Variants in FTO observed in about 807,000 individuals in gnomAD.
The protein encoded by FTO is FTO alpha-ketoglutarate dependent dioxygenase.
Under a neutral mutation model 63.9 loss-of-function variants are expected in FTO, and 47 were observed. The observed-to-expected ratio is 0.74, with a 90% CI of 0.58 to 0.94. FTO has a LOEUF of 0.94. FTO is among the 40% of genes least tolerant of loss of function. FTO has a pLI of 0.00. For missense variants in FTO, 562 were observed against 618.1 expected, an observed-to-expected ratio of 0.91 and a Z score of 0.96; for synonymous variants, 207 against 224.4, an observed-to-expected ratio of 0.92 and a Z score of 0.69.
intron 8 of FTO, chr16:53,993,578 A>G (rs1187018613): frequency 6.6e-6 from 1 of 152,218 alleles, no homozygotes; most frequent in African/African-American, 2.4e-5. Context: ...TTTAAGCTCA[A>G]CTATGTGTAT....
chr16:53,855,632 A>G (rs1055531764), intron 4 of FTO, among the ~76,000 whole-genome samples: 2 of 152,192 alleles, frequency 1.3e-5, no homozygotes, highest in African/African-American at 4.8e-5. Context: ...TGCCTGGGAA[A>G]GGTTTTGAAA....
intron 1 of FTO, among the ~76,000 whole-genome samples, chr16:53,741,050 A>G (rs1328413885): frequency 2.0e-5 from 3 of 152,232 alleles, no homozygotes; most frequent in African/African-American, 7.2e-5. Flanking sequence ...ACATTAAAGT[A>G]ACAGTAACAT....
chr16:53,704,455 A>G (rs534374506), intron 1 of FTO, among the ~76,000 whole-genome samples: 1 of 152,320 alleles, frequency 6.6e-6, no homozygotes, highest in South Asian at 2.1e-4. Flanking sequence ...GAAGCAAGAT[A>G]CCCATTTCCT....
chr16:53,887,834 G>A (rs1263192902), intron 6 of FTO: 1 of 152,048 alleles, frequency 6.6e-6, no homozygotes, highest in Non-Finnish European at 1.5e-5. Context: ...CAATTTGAAT[G>A]GCTTTGTCGG....
intron 8 of FTO, among the ~76,000 whole-genome samples, chr16:53,988,847 T>C (rs2083733733): frequency 6.6e-6 from 1 of 152,196 alleles, no homozygotes; most frequent in South Asian, 2.1e-4. Context: ...AGGGGTTTTG[T>C]TGTTTTTTCT....
chr16:53,905,543 C>T (rs1389413366), intron 7 of FTO, among the ~76,000 whole-genome samples: 1 of 152,140 alleles, frequency 6.6e-6, no homozygotes, highest in African/African-American at 2.4e-5. Context: ...TCCTGTTGCT[C>T]CTTAGACTCT....
At chr16:53,987,560 G>A (rs1281521666) in intron 8 of FTO, among the ~76,000 whole-genome samples, 2 of 148,160 alleles carry the variant, frequency 1.3e-5, no homozygotes, top group African/African-American at 5.0e-5. Flanking sequence ...TCAAGCCTGG[G>A]CCACAGAGAA....
intron 6 of FTO, among the ~76,000 whole-genome samples, chr16:53,883,631 AAAAAC>A (rs1169698329): frequency 2.0e-5 from 3 of 148,008 alleles, no homozygotes; most frequent in East Asian, 2.0e-4. Context: ...TCAAAAAAAA[AAAAAC>A]AAAAAAAAAA....
intron 1 of FTO, among the ~76,000 whole-genome samples, chr16:53,760,621 C>CTTTTTTT: frequency 8.9e-6 from 1 of 112,038 alleles, no homozygotes; most frequent in Non-Finnish European, 1.8e-5. Flanking sequence ...TGCTTGCTTT[C>CTTTTTTT]TTTTTTTTTT....
chr16:53,831,765 C>CT (rs546304902), intron 3 of FTO, among the ~76,000 whole-genome samples: 25 of 152,192 alleles, frequency 1.6e-4, no homozygotes, highest in African/African-American at 6.0e-4. Flanking sequence ...GAATGAGCCA[C>CT]TGAGAAATTT....
intron 1 of FTO, among the ~76,000 whole-genome samples, chr16:53,806,127 C>T (rs2078360573): frequency 1.3e-5 from 2 of 152,178 alleles, no homozygotes; most frequent in Non-Finnish European, 2.9e-5. Flanking sequence ...AGAAAATTGT[C>T]AGAGCTGTTT....
At chr16:53,729,207 C>A (rs143144887) in intron 1 of FTO, among the ~76,000 whole-genome samples, 41 of 152,202 alleles carry the variant, frequency 2.7e-4, no homozygotes, top group Middle Eastern at 6.8e-3. Flanking sequence ...TGTTTCCATT[C>A]CACCCACTTC....
intron 8 of FTO, among the ~76,000 whole-genome samples, chr16:54,009,735 C>G (rs1449706786): frequency 2.6e-5 from 4 of 152,120 alleles, no homozygotes; most frequent in Non-Finnish European, 5.9e-5. Flanking sequence ...CCACTACTAC[C>G]CTATCCCACC....
At chr16:53,942,753 G>A (rs1362556984) in intron 8 of FTO, among the ~76,000 whole-genome samples, 1 of 152,186 alleles carries the variant, frequency 6.6e-6, no homozygotes, top group African/African-American at 2.4e-5. Flanking sequence ...ATGGGCTGTG[G>A]GATAATGAGA....
intron 8 of FTO, among the ~76,000 whole-genome samples, chr16:54,049,048 C>T (rs1391451812): frequency 1.3e-5 from 2 of 152,022 alleles, no homozygotes; most frequent in African/African-American, 4.8e-5. Context: ...CAGCCAGATG[C>T]CACTGACTAG....
In FTO at chr16:54,113,425, C is replaced by G. The variant is rs1371697615; in HGVS notation, c.*1510C>G. 6.6e-6 allele frequency: 1 copy of G among 152,218 alleles called. No individual in the cohort carries two copies. Among genetic ancestry groups the G allele is most frequent in the Non-Finnish European group, 1.5e-5 (1 of 68,052 alleles). 9.4% of individuals were successfully genotyped at this position (152,218 alleles called of 1,614,324 possible). On this transcript the variant is annotated 3_prime_UTR_variant, in exon 9 of 9. Transcript: ENST00000471389. Reference sequence around the variant, plus strand: ...CAGAATTGCAGTGGTTCACGGCCTGCACTCATTCCCATGAATGCAGTTAAT... The same window carrying G: ...CAGAATTGCAGTGGTTCACGGCCTGGACTCATTCCCATGAATGCAGTTAAT...
At position 53,805,426 on chromosome 16, in the gene FTO, T is replaced by G. The variant is rs74018595; in HGVS notation, c.46-4714T>G. On this transcript the variant is annotated intron_variant, in intron 1 of 8. Transcript: ENST00000471389. ...TTTCTGATATCTAACTTTAAACCCT[T>G]ATGAGTTTGAGTTGTGGTTTTTTTT... Among the ~76,000 whole-genome samples the G allele has an allele frequency of 5.1e-3, 769 of 150,358 alleles. 6 individuals are homozygous for G. The highest frequency in any genetic ancestry group is 0.018 in the African/African-American group (741 of 40,666).
chr16:53,950,170 A>AAAG (rs1331100000), intron 8 of FTO, among the ~76,000 whole-genome samples: 2 of 148,504 alleles, frequency 1.3e-5, no homozygotes, highest in African/African-American at 4.9e-5. Context: ...AAAAAAAAAA[A>AAAG]AAAAAAAAAC....
intron 8 of FTO, among the ~76,000 whole-genome samples, chr16:53,950,875 G>T (rs916106487): frequency 6.6e-6 from 1 of 152,092 alleles, no homozygotes; most frequent in Non-Finnish European, 1.5e-5. Context: ...TGTTGTTGAG[G>T]GCTTATTAAG....
Sources: gnomAD v4.1 joint callset for allele counts (sites outside exome capture counted in the v4.1 genomes callset) on GRCh38, gnomAD v4.1.1 for gene constraint, MANE v1.5 for transcripts, NCBI Gene and HGNC (gene_info 2026-07-23, HGNC 2026-07-21) for gene names.